Variants in ATP2C2 observed in about 807,000 individuals in gnomAD.
The protein encoded by ATP2C2 is ATPase secretory pathway Ca2+ transporting 2.
A neutral mutation model predicts 110.8 loss-of-function variants in ATP2C2; 171 were observed. The ratio of observed to expected loss-of-function variants is 1.54; its 90% CI spans 1.36 to 1.75. The LOEUF (loss-of-function observed/expected upper bound fraction) is 1.75. Ranked by LOEUF, ATP2C2 falls within the 40% of genes most tolerant of loss-of-function variation. The probability of loss-of-function intolerance (pLI) is 0.00; values close to 1 mark genes in which losing one functional copy is unlikely to be tolerated. For synonymous variants in ATP2C2, 804 were observed against 508.4 expected, an observed-to-expected ratio of 1.58 and a Z score of -7.82; for missense variants, 1,963 against 1,235.0, an observed-to-expected ratio of 1.59 and a Z score of -8.84.
At chr16:84,374,814 G>C (rs761722623) in intron 1 of ATP2C2, among the ~76,000 whole-genome samples, 1 of 152,094 alleles carries the variant, frequency 6.6e-6, no homozygotes, top group Non-Finnish European at 1.5e-5. Context: ...TTTCTCTTTC[G>C]GGGACAAAGA....
At chr16:84,433,578 G>A (rs1264186908) in intron 11 of ATP2C2, among the ~76,000 whole-genome samples, 2 of 151,924 alleles carry the variant, frequency 1.3e-5, no homozygotes, top group African/African-American at 2.4e-5. Flanking sequence ...CTTGAACCCG[G>A]GAGGTGGAGG....
chr16:84,438,819 G>T (rs144695855), intron 11 of ATP2C2, among the ~76,000 whole-genome samples: 1 of 152,162 alleles, frequency 6.6e-6, no homozygotes. Context: ...CTGATTTTGG[G>T]AATTCCTTTT....
chr16:84,400,828 G>C (rs1597765568), intron 2 of ATP2C2, among the ~76,000 whole-genome samples: 1 of 152,194 alleles, frequency 6.6e-6, no homozygotes, highest in African/African-American at 2.4e-5. Context: ...CAGATGGTGA[G>C]CACCTTTTCA....
intron 11 of ATP2C2, among the ~76,000 whole-genome samples, chr16:84,438,535 A>C (rs767287934): frequency 2.2e-4 from 33 of 152,156 alleles, no homozygotes; most frequent in Non-Finnish European, 3.7e-4. Flanking sequence ...CTTGGGTCAC[A>C]CGCTCTCCTC....
chr16:84,421,842 T>G (rs1305398937), intron 7 of ATP2C2, among the ~76,000 whole-genome samples: 1 of 152,224 alleles, frequency 6.6e-6, no homozygotes, highest in African/African-American at 2.4e-5. Context: ...TTCTGAGGGC[T>G]AAGCCTTGTG....
intron 11 of ATP2C2, among the ~76,000 whole-genome samples, chr16:84,431,463 C>G (rs767440463): frequency 3.3e-4 from 50 of 151,806 alleles, no homozygotes; most frequent in Admixed American, 2.6e-3. Context: ...ACCACTGCAC[C>G]CCAACCTGGG....
chr16:84,421,344 G>A (rs1039259705), intron 7 of ATP2C2, among the ~76,000 whole-genome samples: 5 of 152,242 alleles, frequency 3.3e-5, no homozygotes, highest in East Asian at 1.9e-4. Context: ...GGTGACAGGC[G>A]GCCACTGTCG....
rs1007499188 is a variant in ATP2C2, at chr16:84,439,075, G to C, written c.987-91G>C. The C allele has an allele frequency of 7.1e-6, 11 of 1,555,912 alleles. No individual in the cohort carries two copies. The African/African-American group carries it at 1.5e-4, about 21-fold the overall frequency. Reference sequence around the variant, plus strand: ...AGGACACTGGGGACACCTAAGACAAGCTTCACCAGCCAAAAGCATTGCCAG... The same window carrying C: ...AGGACACTGGGGACACCTAAGACAACCTTCACCAGCCAAAAGCATTGCCAG... On this transcript the variant is annotated intron_variant, in intron 11 of 26. Coordinates refer to ENST00000262429, the MANE Select transcript of ATP2C2 (RefSeq NM_014861.4).
chr16:84,436,829 C>G (rs888820104), intron 11 of ATP2C2, among the ~76,000 whole-genome samples: 4 of 150,564 alleles, frequency 2.7e-5, no homozygotes, highest in Admixed American at 2.7e-4. Context: ...ATGGCACCAT[C>G]TCAGCTCACC....
intron 1 of ATP2C2, among the ~76,000 whole-genome samples, chr16:84,387,341 G>A (rs7199209): frequency 0.18 from 27,525 of 152,054 alleles, 2,679 homozygotes; most frequent in South Asian, 0.29. Context: ...GACCAACATG[G>A]TGAAACCCGT....
At chr16:84,454,234 C>G (rs891110522) in intron 20 of ATP2C2, among the ~76,000 whole-genome samples, 1 of 152,090 alleles carries the variant, frequency 6.6e-6, no homozygotes, top group Non-Finnish European at 1.5e-5. Context: ...CAAAGCCAGG[C>G]CCATGAATCT....
At position 84,439,502 on chromosome 16, in the gene ATP2C2, C is replaced by T. The variant is rs1313673009; in HGVS notation, c.1187C>T (p.Thr396Met). 17 of 1,614,018 alleles carry T rather than the reference C, an allele frequency of 1.1e-5. No individual in the cohort carries two copies. Among genetic ancestry groups the T allele is most frequent in the South Asian group, 2.2e-5 (2 of 91,086 alleles). ...GAAATGACAGTGACCCAGCTTGTAA[C>T]GTCAGATGGGCTTCGTGCCGAGGTG... is the stretch of plus-strand genomic sequence containing the variant. ...ANEMTVTQLV[T>M]SDGLRAEVSG... Residue 396 changes from threonine to methionine, a missense_variant, in exon 13 of 27, where the codon ACG (threonine) becomes ATG (methionine). Physicochemically the swap from Thr to Met is moderately conservative, Grantham distance 81 (BLOSUM62 -1). Transcript: ENST00000262429.
At chr16:84,423,286 T>G in intron 10 of ATP2C2, 23 bp downstream of exon 10, 1 of 1,607,704 alleles carries the variant, frequency 6.2e-7, no homozygotes, top group Non-Finnish European at 8.5e-7. Context: ...GTTTCCATAC[T>G]GGGTTTGTTC....
intron 1 of ATP2C2, among the ~76,000 whole-genome samples, chr16:84,371,047 C>T (rs1909924657): frequency 6.6e-6 from 1 of 152,152 alleles, no homozygotes; most frequent in African/African-American, 2.4e-5. Context: ...ATAAAGGAGG[C>T]CAATGGTCAG....
rs1039434638 is a variant in ATP2C2, at chr16:84,463,833, G to A, written c.*101G>A. On this transcript the variant is annotated 3_prime_UTR_variant, in exon 27 of 27. Transcript: ENST00000262429. ...CAGGGGAGACTTTTAGGAGGCCGCA[G>A]CCTTCCATCACCGGATCAGTTTTTC... 4 of 1,048,536 alleles carry A rather than the reference G, an allele frequency of 3.8e-6. No individual in the cohort carries two copies. The highest frequency in any genetic ancestry group is 2.0e-5 in the Admixed American group (1 of 50,800). The allele number at this position is 1,048,536 out of a possible 1,614,324, so 65.0% of individuals were successfully genotyped here. A position where few individuals can be genotyped will look rare whatever the true frequency, so the allele number is the denominator to read the frequency against.
At chr16:84,417,964 A>G (rs1906984665) in intron 7 of ATP2C2, among the ~76,000 whole-genome samples, 3 of 152,212 alleles carry the variant, frequency 2.0e-5, no homozygotes, top group Admixed American at 1.3e-4. Context: ...CAAGTTCAAG[A>G]AAGCTCTTAA....
intron 7 of ATP2C2, among the ~76,000 whole-genome samples, chr16:84,415,997 G>C (rs1184468344): frequency 1.3e-5 from 2 of 152,136 alleles, no homozygotes; most frequent in Non-Finnish European, 2.9e-5. Flanking sequence ...GGCCAACATG[G>C]TGAAACTCTC....
chr16:84,440,261 T>A (rs1295304875), intron 13 of ATP2C2, among the ~76,000 whole-genome samples: 1 of 152,242 alleles, frequency 6.6e-6, no homozygotes, highest in African/African-American at 2.4e-5. Context: ...GCCTCCCAAG[T>A]CCTTGCGTGT....
intron 3 of ATP2C2, among the ~76,000 whole-genome samples, chr16:84,407,943 G>T (rs1234017323): frequency 6.6e-6 from 1 of 152,222 alleles, no homozygotes; most frequent in Non-Finnish European, 1.5e-5. Context: ...AGGAAGTTTT[G>T]GGAACGGCTG....
Sources: gnomAD v4.1 joint callset for allele counts (sites outside exome capture counted in the v4.1 genomes callset) on GRCh38, gnomAD v4.1.1 for gene constraint, MANE v1.5 for transcripts, NCBI Gene and HGNC (gene_info 2026-07-23, HGNC 2026-07-21) for gene names.